The following CMKLR2 variants were observed in gnomAD, a reference collection of about 807,000 sequenced individuals.
CMKLR2 encodes the protein chemerin chemokine-like receptor 2, also known as chemerin-like receptor 2.
Under a neutral mutation model 23.0 loss-of-function variants are expected in CMKLR2, and 18 were observed. The observed-to-expected ratio is 0.78, with a 90% confidence interval of 0.54 to 1.16. The LOEUF (loss-of-function observed/expected upper bound fraction) is 1.16, where lower values mean the gene tolerates loss of function less well. Among genes scored for constraint, CMKLR2 ranks in the 50% most tolerant of loss-of-function variants. The probability of loss-of-function intolerance (pLI) is 0.00; values close to 1 mark genes in which losing one functional copy is unlikely to be tolerated. For synonymous variants in CMKLR2, 158 were observed against 158.9 expected (o/e 0.99, Z 0.05); for missense variants, 401 against 412.7 (o/e 0.97, Z 0.25).
chr2:206,205,365 C>T (rs757248295), intron 1 of CMKLR2, among the ~76,000 whole-genome samples: 7 of 151,988 alleles, frequency 4.6e-5, no homozygotes, highest in Non-Finnish European at 7.4e-5. Context: ...TCTCGAAATA[C>T]GACTTTATTT....
intron 1 of CMKLR2, among the ~76,000 whole-genome samples, chr2:206,194,282 T>C (rs1431945652): frequency 6.6e-6 from 1 of 152,096 alleles, no homozygotes; most frequent in Non-Finnish European, 1.5e-5. Flanking sequence ...AGATTATGCT[T>C]GAAAATATTT....
At chr2:206,178,366 G>A (rs1020756958) in intron 1 of CMKLR2, among the ~76,000 whole-genome samples, 2 of 152,180 alleles carry the variant, frequency 1.3e-5, no homozygotes, top group Non-Finnish European at 2.9e-5. Flanking sequence ...CCATCTGGAT[G>A]TCACTGGAGA....
chr2:206,203,163 A>T (rs1689164856), intron 1 of CMKLR2, among the ~76,000 whole-genome samples: 1 of 55,772 alleles, frequency 1.8e-5, no homozygotes, highest in Non-Finnish European at 4.7e-5. Context: ...TAAAACTACA[A>T]AAAAAAAAAA....
upstream of CMKLR2, among the ~76,000 whole-genome samples, chr2:206,214,928 A>C (rs950248986): frequency 6.6e-6 from 1 of 151,980 alleles, no homozygotes; most frequent in Non-Finnish European, 1.5e-5. Flanking sequence ...CCTGGCCGCT[A>C]TCTTTATTTT....
chr2:206,197,009 A>G (rs1240495890), intron 1 of CMKLR2, among the ~76,000 whole-genome samples: 1 of 152,158 alleles, frequency 6.6e-6, no homozygotes, highest in South Asian at 2.1e-4. Context: ...CCTGGGTTCA[A>G]GTGATTTCTA....
chr2:206,181,871 G>A (rs1218900642), intron 1 of CMKLR2, among the ~76,000 whole-genome samples: 3 of 141,964 alleles, frequency 2.1e-5, no homozygotes, highest in African/African-American at 7.9e-5. Flanking sequence ...AGAATTGCCT[G>A]AACTGGGAGG....
intron 1 of CMKLR2, among the ~76,000 whole-genome samples, chr2:206,191,468 A>ATGTTT (rs1016311170): frequency 2.8e-4 from 42 of 152,062 alleles, no homozygotes; most frequent in African/African-American, 9.2e-4. Context: ...ATTCAAAAAC[A>ATGTTT]TGTTTTGTTT....
chr2:206,178,975 A>G (rs1688315958), intron 1 of CMKLR2, among the ~76,000 whole-genome samples: 1 of 138,786 alleles, frequency 7.2e-6, no homozygotes, highest in South Asian at 2.3e-4. Context: ...AATCAGTTTT[A>G]CTTTATTTTT....
upstream of CMKLR2, among the ~76,000 whole-genome samples, chr2:206,216,831 C>T (rs369359685): frequency 2.0e-5 from 3 of 152,174 alleles, no homozygotes; most frequent in African/African-American, 7.2e-5. Context: ...AAGGTTTGGG[C>T]GATTTTAAGT....
chr2:206,176,531 C>G lies in CMKLR2; in HGVS notation c.717G>C (p.Leu239=). ...TTGTCCAGAAATGCCTACTGGAGAT[C>G]AGGATGCTTCGCTTCTTCACCTTGA... is the stretch of plus-strand genomic sequence containing the variant. ...LIFKVKKRSI[L]ISSRHFWTIL... Residue 239 remains leucine, a synonymous_variant, in exon 2 of 2, where the codon CTG becomes CTC. Coordinates refer to ENST00000621141, the MANE Select transcript of CMKLR2 (RefSeq NM_001389445.1). The G allele has an allele frequency of 6.2e-7, 1 of 1,614,130 alleles. No homozygotes were observed. Among genetic ancestry groups the G allele is most frequent in the Non-Finnish European group, 8.5e-7 (1 of 1,180,032 alleles).
chr2:206,206,618 T>G (rs974762094), intron 1 of CMKLR2, among the ~76,000 whole-genome samples: 1 of 152,216 alleles, frequency 6.6e-6, no homozygotes, highest in African/African-American at 2.4e-5. Flanking sequence ...GCTCCTCACT[T>G]AGAGCAACTG....
At chr2:206,197,682 A>T (rs1193477642) in intron 1 of CMKLR2, among the ~76,000 whole-genome samples, 2 of 152,056 alleles carry the variant, frequency 1.3e-5, no homozygotes, top group African/African-American at 4.8e-5. Flanking sequence ...CATTTAAAAA[A>T]TTTCATTGTA....
chr2:206,205,618 T>C (rs1689285199), intron 1 of CMKLR2, among the ~76,000 whole-genome samples: 1 of 151,912 alleles, frequency 6.6e-6, no homozygotes, highest in Non-Finnish European at 1.5e-5. Context: ...GTGATCTTCT[T>C]GCCTTGGCCT....
At chr2:206,191,393 C>T (rs770496539) in intron 1 of CMKLR2, among the ~76,000 whole-genome samples, 1 of 151,692 alleles carries the variant, frequency 6.6e-6, no homozygotes, top group Non-Finnish European at 1.5e-5. Flanking sequence ...AAGGGGAAGG[C>T]AGAGAGAGAG....
In CMKLR2 at chr2:206,177,112, A is replaced by C; in HGVS notation, c.136T>G (p.Cys46Gly). 1 of 1,614,216 alleles carries C rather than the reference A, an allele frequency of 6.2e-7. No individual in the cohort carries two copies. Residue 46 changes from cysteine (C) to glycine (G), a missense_variant, in exon 2 of 2, where the codon TGT becomes GGT. Coordinates refer to ENST00000621141, the MANE Select transcript of CMKLR2 (RefSeq NM_001389445.1). ...GGAATTCCCAGAACAAAAGCCAAAC[A>C]ATATAACACCAGGGAGACCCAGTGA... ...VVHWVSLVLY[C>G]LAFVLGIPGN...
rs747291714 is a variant in CMKLR2 at position 206,176,981 on chromosome 2, A to C, written c.267T>G (p.Phe89Leu). ...LAIADFIFLL[F>L]LPLYISYVAM... The stretch of plus-strand genomic sequence containing the variant: ...CCACATAGGAGATGTACAGGGGCAG[A>C]AAGAGAAGAAAAATGAAATCCGCAA... The change falls in exon 2 of 2, where the codon TTT becomes TTG. Residue 89 changes from phenylalanine to leucine, a missense_variant. By Grantham distance (22) the Phe-to-Leu change is conservative (BLOSUM62 0). Transcript: ENST00000621141. 21 of 1,614,242 alleles carry C rather than the reference A, an allele frequency of 1.3e-5. No homozygotes were observed. The highest frequency in any genetic ancestry group is 1.8e-5 in the Non-Finnish European group (21 of 1,180,050).
At chr2:206,205,394 G>C (rs2105834838) in intron 1 of CMKLR2, among the ~76,000 whole-genome samples, 1 of 152,146 alleles carries the variant, frequency 6.6e-6, no homozygotes, top group Admixed American at 6.6e-5. Context: ...TTTGGAAACA[G>C]AGTCTGTCTC....
chr2:206,216,751 T>G (rs1415533052), upstream of CMKLR2, among the ~76,000 whole-genome samples: 1 of 152,200 alleles, frequency 6.6e-6, no homozygotes, highest in Non-Finnish European at 1.5e-5. Context: ...ATTAGAAAAC[T>G]GTTCTTTTGA....
At chr2:206,187,368 C>T (rs772140892) in intron 1 of CMKLR2, among the ~76,000 whole-genome samples, 16 of 152,116 alleles carry the variant, frequency 1.1e-4, no homozygotes, top group Non-Finnish European at 1.9e-4. Flanking sequence ...CATGGTTGAG[C>T]GCAACTTTGG....
Sources: gnomAD v4.1 joint callset for allele counts (sites outside exome capture counted in the v4.1 genomes callset) on GRCh38, gnomAD v4.1.1 for gene constraint, MANE v1.5 for transcripts, NCBI Gene and HGNC (gene_info 2026-07-23, HGNC 2026-07-21) for gene names.